Variants in CDKAL1 observed in about 807,000 individuals in gnomAD.
CDKAL1 encodes threonylcarbamoyladenosine tRNA methylthiotransferase.
CDKAL1 carries 32 observed loss-of-function variants against 68.2 expected under a neutral mutation model. The ratio of observed to expected loss-of-function variants is 0.47; its 90% CI spans 0.35 to 0.63. CDKAL1 has a LOEUF of 0.63. Ranked by LOEUF, CDKAL1 falls within the 30% of genes least tolerant of loss-of-function variation. The pLI is 0.00. For synonymous variants in CDKAL1, 234 were observed against 244.3 expected, an observed-to-expected ratio of 0.96 and a Z score of 0.39; for missense variants, 606 against 696.7, an observed-to-expected ratio of 0.87 and a Z score of 1.47.
chr6:20,682,405 A>G (rs1016056103), intron 5 of CDKAL1, among the ~76,000 whole-genome samples: 2 of 152,210 alleles, frequency 1.3e-5, no homozygotes, highest in Non-Finnish European at 2.9e-5. Context: ...ACGAGGTTTA[A>G]TTGACCCAGG....
intron 13 of CDKAL1, among the ~76,000 whole-genome samples, chr6:21,131,535 C>T (rs1196625833): frequency 6.6e-6 from 1 of 152,100 alleles, no homozygotes; most frequent in South Asian, 2.1e-4. Context: ...GAAAAGTCAC[C>T]ATAGACAAGT....
intron 13 of CDKAL1, among the ~76,000 whole-genome samples, chr6:21,192,211 C>T (rs1418282640): frequency 4.0e-5 from 6 of 148,372 alleles, no homozygotes; most frequent in African/African-American, 7.5e-5. Flanking sequence ...TTAGTAGAGA[C>T]GGGGTTTCAC....
chr6:20,649,334 A>T lies in CDKAL1; in HGVS notation c.328A>T (p.Thr110Ser), dbSNP rs777946953. The T allele has an allele frequency of 6.2e-7, 1 of 1,607,780 alleles. No individual in the cohort carries two copies. The highest frequency in any genetic ancestry group is 8.5e-7 in the Non-Finnish European group (1 of 1,178,444). ...DADLWLLNSC[T>S]VKNPAEDHFR... ...AGATTTATGGCTCCTGAACAGTTGCACTGTAAAAAACCCAGCTGAAGACCA... is the reference window on the plus strand; with the variant it reads ...AGATTTATGGCTCCTGAACAGTTGCTCTGTAAAAAACCCAGCTGAAGACCA... The change falls in exon 5 of 16, where the codon ACT becomes TCT. Residue 110 changes from threonine (T) to serine (S), a missense_variant. Thr to Ser is a moderately conservative substitution (Grantham distance 58). Coordinates refer to ENST00000274695, the MANE Select transcript of CDKAL1 (RefSeq NM_017774.3).
At chr6:20,936,241 ATTTTTTTTTTTTT>A (rs33911838) in intron 9 of CDKAL1, among the ~76,000 whole-genome samples, 3 of 68,802 alleles carry the variant, frequency 4.4e-5, no homozygotes, top group Admixed American at 2.3e-4. Flanking sequence ...GTGTCTCATA[ATTTTTTTTTTTTT>A]TTTTTTTTTT....
intron 2 of CDKAL1, among the ~76,000 whole-genome samples, chr6:20,544,282 A>T (rs558555209): frequency 7.9e-5 from 12 of 152,078 alleles, no homozygotes; most frequent in African/African-American, 2.9e-4. Context: ...TCTCAATTAT[A>T]GCTATCTAAT....
chr6:21,120,620 T>C (rs1337666791), intron 13 of CDKAL1, among the ~76,000 whole-genome samples: 1 of 152,226 alleles, frequency 6.6e-6, no homozygotes, highest in Non-Finnish European at 1.5e-5. Flanking sequence ...ATTTTATGCA[T>C]ACACAAATAC....
chr6:20,732,355 A>T (rs1218709875), intron 5 of CDKAL1, among the ~76,000 whole-genome samples: 1 of 142,546 alleles, frequency 7.0e-6, no homozygotes, highest in Non-Finnish European at 1.5e-5. Context: ...TGCTCAGTGC[A>T]ACCTCTGCCT....
chr6:21,049,832 T>A (rs1001798268), intron 11 of CDKAL1, among the ~76,000 whole-genome samples: 1 of 150,984 alleles, frequency 6.6e-6, no homozygotes, highest in East Asian at 1.9e-4. Flanking sequence ...TTTTTTTTTT[T>A]AGCCTATTTG....
At chr6:20,968,213 C>T (rs1765423617) in intron 10 of CDKAL1, among the ~76,000 whole-genome samples, 1 of 149,834 alleles carries the variant, frequency 6.7e-6, no homozygotes, top group Non-Finnish European at 1.5e-5. Context: ...GGCTAGAGTG[C>T]AGTGGTGCAG....
chr6:20,610,113 T>G (rs1275353847), intron 4 of CDKAL1, among the ~76,000 whole-genome samples: 1 of 152,190 alleles, frequency 6.6e-6, no homozygotes, highest in Non-Finnish European at 1.5e-5. Flanking sequence ...ATGATCTCAT[T>G]CTTTTTTAGG....
At chr6:21,131,938 A>C (rs1020679563) in intron 13 of CDKAL1, among the ~76,000 whole-genome samples, 11 of 152,196 alleles carry the variant, frequency 7.2e-5, no homozygotes, top group Non-Finnish European at 1.6e-4. Flanking sequence ...CTTTAAAATG[A>C]AAACATCATT....
intron 3 of CDKAL1, among the ~76,000 whole-genome samples, chr6:20,547,189 G>A (rs916185479): frequency 4.0e-5 from 6 of 150,720 alleles, no homozygotes; most frequent in Non-Finnish European, 1.5e-5. Flanking sequence ...AACTCAACCT[G>A]TATGTAGATT....
chr6:20,993,331 T>A (rs1256242838), intron 10 of CDKAL1: 1 of 152,176 alleles, frequency 6.6e-6, no homozygotes, highest in Non-Finnish European at 1.5e-5. Flanking sequence ...TTTTTTTCTT[T>A]AGCATTTAAC....
chr6:20,593,486 A>T (rs1190725155), intron 4 of CDKAL1, among the ~76,000 whole-genome samples: 1 of 151,694 alleles, frequency 6.6e-6, no homozygotes, highest in South Asian at 2.1e-4. Flanking sequence ...CTCTGATGAT[A>T]GTTTGTATTT....
intron 15 of CDKAL1, among the ~76,000 whole-genome samples, chr6:21,217,320 G>T (rs910622509): frequency 6.8e-6 from 1 of 148,046 alleles, no homozygotes; most frequent in African/African-American, 2.5e-5. Flanking sequence ...TTGAGTCAGG[G>T]TCTTGCACTG....
At chr6:20,687,924 A>G (rs1485230555) in intron 5 of CDKAL1, among the ~76,000 whole-genome samples, 1 of 152,056 alleles carries the variant, frequency 6.6e-6, no homozygotes, top group African/African-American at 2.4e-5. Context: ...TGGCAAAAAA[A>G]TCTCTCAATT....
At chr6:21,192,695 G>T (rs1778305574) in intron 13 of CDKAL1, among the ~76,000 whole-genome samples, 1 of 151,016 alleles carries the variant, frequency 6.6e-6, no homozygotes, top group Admixed American at 6.6e-5. Flanking sequence ...GCATGTTACA[G>T]AAATTAAATA....
chr6:21,041,672 C>CTA, intron 11 of CDKAL1, among the ~76,000 whole-genome samples: 1 of 150,276 alleles, frequency 6.7e-6, no homozygotes, highest in South Asian at 2.1e-4. Flanking sequence ...TAATACTTGC[C>CTA]TATCGTATTT....
chr6:20,769,922 A>T (rs1405721735), intron 7 of CDKAL1, among the ~76,000 whole-genome samples: 1 of 152,104 alleles, frequency 6.6e-6, no homozygotes, highest in Non-Finnish European at 1.5e-5. Context: ...TGAAGCTGTT[A>T]ATATTGAACA....
Sources: allele counts gnomAD v4.1 joint callset (sites outside exome capture counted in the v4.1 genomes callset), GRCh38; gene constraint gnomAD v4.1.1; transcripts MANE v1.5; gene names NCBI Gene and HGNC (gene_info 2026-07-23, HGNC 2026-07-21).